Variants in MAP3K5 observed in about 807,000 individuals in gnomAD.
The protein encoded by MAP3K5 is mitogen-activated protein kinase kinase kinase 5, also known as ASK-1.
In MAP3K5, 56 loss-of-function variants were observed where a neutral mutation model predicts 158.7. The ratio of observed to expected loss-of-function variants is 0.35; its 90% CI spans 0.28 to 0.44. MAP3K5 has a LOEUF of 0.44. MAP3K5 is among the 20% of genes least tolerant of loss of function. MAP3K5 has a pLI of 1.00. For synonymous variants in MAP3K5, 579 were observed against 601.7 expected, an observed-to-expected ratio of 0.96 and a Z score of 0.55; for missense variants, 1,294 against 1,674.8, an observed-to-expected ratio of 0.77 and a Z score of 3.97.
intron 7 of MAP3K5, among the ~76,000 whole-genome samples, chr6:136,693,527 G>C (rs1583428609): frequency 6.6e-6 from 1 of 151,274 alleles, no homozygotes; most frequent in East Asian, 1.9e-4. Context: ...TTTCATTCAG[G>C]TCTTTTAAAC....
chr6:136,616,210 T>C (rs1776554844), intron 15 of MAP3K5, among the ~76,000 whole-genome samples: 1 of 152,072 alleles, frequency 6.6e-6, no homozygotes, highest in Non-Finnish European at 1.5e-5. Context: ...AATAAGATAC[T>C]TAGGTAATGA....
At chr6:136,592,858 A>C in intron 21 of MAP3K5, 6 of 550,530 alleles carry the variant, frequency 1.1e-5, no homozygotes, top group Non-Finnish European at 1.7e-5. Context: ...GGGTACCAAA[A>C]CAGTCAAGGA....
intron 1 of MAP3K5, among the ~76,000 whole-genome samples, chr6:136,740,162 C>T (rs935427830): frequency 2.6e-5 from 4 of 152,132 alleles, no homozygotes; most frequent in South Asian, 2.1e-4. Context: ...CTCCAGCCCT[C>T]GCTCTTCACA....
intron 9 of MAP3K5, among the ~76,000 whole-genome samples, chr6:136,657,623 CAG>C (rs1428388752): frequency 6.6e-6 from 1 of 152,084 alleles, no homozygotes; most frequent in African/African-American, 2.4e-5. Flanking sequence ...TATGACTAAA[CAG>C]AGAGACAACT....
intron 1 of MAP3K5, among the ~76,000 whole-genome samples, chr6:136,760,456 G>C (rs1416669688): frequency 6.6e-6 from 1 of 152,164 alleles, no homozygotes. Context: ...TTATGAAAAT[G>C]ATCAAGTCCT....
chr6:136,575,255 G>A (rs747397071), intron 25 of MAP3K5, among the ~76,000 whole-genome samples: 5 of 149,896 alleles, frequency 3.3e-5, no homozygotes, highest in Non-Finnish European at 5.9e-5. Context: ...TTGACCTCCT[G>A]GGCTCAATTG....
intron 1 of MAP3K5, among the ~76,000 whole-genome samples, chr6:136,734,513 T>C (rs1187205996): frequency 6.6e-6 from 1 of 151,974 alleles, no homozygotes; most frequent in East Asian, 1.9e-4. Flanking sequence ...ATTTTTCTCC[T>C]TGAAATGGTT....
At chr6:136,577,139 A>T (rs1398249568) in intron 25 of MAP3K5, among the ~76,000 whole-genome samples, 1 of 152,214 alleles carries the variant, frequency 6.6e-6, no homozygotes, top group Admixed American at 6.5e-5. Flanking sequence ...TGTCTTCTGA[A>T]ATGGCAGGTT....
At chr6:136,756,102 T>C (rs889303928) in intron 1 of MAP3K5, among the ~76,000 whole-genome samples, 7 of 147,592 alleles carry the variant, frequency 4.7e-5, no homozygotes, top group African/African-American at 1.8e-4. Flanking sequence ...AGCCCAGGAG[T>C]TCAAGACGAG....
At chr6:136,582,297 TGTGTG>T (rs1774925868) in intron 24 of MAP3K5, among the ~76,000 whole-genome samples, 1 of 151,312 alleles carries the variant, frequency 6.6e-6, no homozygotes, top group African/African-American at 2.4e-5. Flanking sequence ...TGTGTGTGTG[TGTGTG>T]TGTGTGTCTG....
intron 15 of MAP3K5, among the ~76,000 whole-genome samples, chr6:136,618,133 C>G (rs943987960): frequency 5.3e-5 from 8 of 152,140 alleles, no homozygotes; most frequent in Non-Finnish European, 1.0e-4. Flanking sequence ...TTCCATTGCT[C>G]TGATCCTTCT....
At chr6:136,742,861 T>C (rs184523616) in intron 1 of MAP3K5, among the ~76,000 whole-genome samples, 115 of 152,306 alleles carry the variant, frequency 7.6e-4, no homozygotes, top group African/African-American at 2.3e-3. Context: ...GGATACCTCA[T>C]CAAAGAAGAT....
At chr6:136,709,789 C>T (rs1472852022) in intron 2 of MAP3K5, among the ~76,000 whole-genome samples, 2 of 152,102 alleles carry the variant, frequency 1.3e-5, no homozygotes, top group Non-Finnish European at 2.9e-5. Flanking sequence ...CATTCCTGAG[C>T]CAGATGATGG....
chr6:136,746,971 G>C (rs552353700), intron 1 of MAP3K5, among the ~76,000 whole-genome samples: 2 of 152,176 alleles, frequency 1.3e-5, no homozygotes, highest in South Asian at 2.1e-4. Context: ...TGAGAGACAG[G>C]GTCTTGCTCT....
chr6:136,719,149 CT>C (rs912547305), intron 2 of MAP3K5, among the ~76,000 whole-genome samples: 82 of 152,244 alleles, frequency 5.4e-4, no homozygotes, highest in African/African-American at 1.9e-3. Flanking sequence ...GCATTCCAGC[CT>C]GGGTGAGAGA....
At chr6:136,711,310 G>A (rs1373416014) in intron 2 of MAP3K5, among the ~76,000 whole-genome samples, 5 of 152,042 alleles carry the variant, frequency 3.3e-5, no homozygotes, top group Non-Finnish European at 5.9e-5. Context: ...TCCTTGCCCC[G>A]ACACTAGCTG....
intron 11 of MAP3K5, among the ~76,000 whole-genome samples, chr6:136,650,114 T>C (rs1778452371): frequency 6.6e-6 from 1 of 152,246 alleles, no homozygotes; most frequent in African/African-American, 2.4e-5. Flanking sequence ...TCACTCATTT[T>C]GGACACAGCT....
rs1461666900 is a variant in MAP3K5 at position 136,613,109 on chromosome 6, G to A, written c.2415+11C>T. Reference sequence around the variant, plus strand: ...AAAGAACTCATGAAAATGAATGCTGGTGTACCTCACCTTTATGTCCCGGTG... The same window carrying A: ...AAAGAACTCATGAAAATGAATGCTGATGTACCTCACCTTTATGTCCCGGTG... On this transcript the variant is annotated intron_variant, in intron 17 of 29. Transcript: ENST00000359015. The surrounding 1 kb of genome is among the most constrained non-coding windows in gnomAD (Gnocchi z 4.0). 1.3e-6 allele frequency: 2 copies of A among 1,594,524 alleles called. No individual in the cohort carries two copies. The highest frequency in any genetic ancestry group is 1.2e-5 in the South Asian group (1 of 86,948).
At position 136,656,478 on chromosome 6, in the gene MAP3K5, T is replaced by G. The variant is rs2076261; in HGVS notation, c.1527-18A>C. ...TGAGGTACCTGAGAAGGAAAAGATA[T>G]AAAACATGTAACAGACAAATTTAGA... On this transcript the variant is annotated intron_variant, in intron 9 of 29. Coordinates refer to ENST00000359015, the MANE Select transcript of MAP3K5 (RefSeq NM_005923.4). The G allele has an allele frequency of 4.0e-6, 6 of 1,514,668 alleles. No homozygotes were observed. In the East Asian group the frequency reaches 1.4e-4, roughly 34 times the overall value. The allele number at this position is 1,514,668 out of a possible 1,614,324, so 93.8% of individuals were successfully genotyped here. A position where few individuals can be genotyped will look rare whatever the true frequency, so the allele number is the denominator to read the frequency against.
Sources: allele counts gnomAD v4.1 joint callset (sites outside exome capture counted in the v4.1 genomes callset), GRCh38; gene constraint gnomAD v4.1.1; non-coding constraint Gnocchi (gnomAD v3.1); transcripts MANE v1.5; gene names NCBI Gene and HGNC (gene_info 2026-07-23, HGNC 2026-07-21).